Variants in HUNK observed in about 807,000 individuals in gnomAD.
HUNK encodes the protein hormonally up-regulated neu tumor-associated kinase.
In HUNK, 21 loss-of-function variants were observed where a neutral mutation model predicts 61.0. The observed-to-expected ratio is 0.34, with a 90% CI of 0.24 to 0.50. The LOEUF is 0.50. HUNK is among the 20% of genes least tolerant of loss of function. HUNK has a pLI of 0.98. For synonymous variants in HUNK, 371 were observed against 386.1 expected (o/e 0.96, Z 0.46); for missense variants, 772 against 945.7 (o/e 0.82, Z 2.41).
chr21:31,998,372 A>T (rs1372624374), intron 10 of HUNK, among the ~76,000 whole-genome samples, 154 bp from the exon 11 acceptor site: 2 of 152,100 alleles, frequency 1.3e-5, no homozygotes, highest in Non-Finnish European at 2.9e-5. Flanking sequence ...GCTGCTGGTG[A>T]CTTTTGCAAA....
At position 31,924,791 on chromosome 21, in the gene HUNK, A is replaced by G; in HGVS notation, c.554+31A>G. On this transcript the variant is annotated intron_variant, in intron 2 of 10. Coordinates refer to ENST00000270112, the MANE Select transcript of HUNK (RefSeq NM_014586.2). The surrounding 1 kb of genome is among the most constrained non-coding windows in gnomAD (Gnocchi z 5.1). ...GGCCAGGCCACGCTGGTGATCGCTGACTGTGTGCTCCGTGGGTGGCACTGG... is the reference window on the plus strand; with the variant it reads ...GGCCAGGCCACGCTGGTGATCGCTGGCTGTGTGCTCCGTGGGTGGCACTGG... 6.4e-7 allele frequency: 1 copy of G among 1,558,778 alleles called. No individual in the cohort carries two copies. Among genetic ancestry groups the G allele is most frequent in the Non-Finnish European group, 8.7e-7 (1 of 1,153,220 alleles).
chr21:31,966,507 C>G (rs1229353514), intron 5 of HUNK, among the ~76,000 whole-genome samples: 1 of 152,116 alleles, frequency 6.6e-6, no homozygotes, highest in African/African-American at 2.4e-5. Flanking sequence ...GTATGGGAAC[C>G]CACCCTGGTG....
intron 6 of HUNK, among the ~76,000 whole-genome samples, chr21:31,972,218 G>C (rs549205806): frequency 6.6e-6 from 1 of 152,040 alleles, no homozygotes; most frequent in Non-Finnish European, 1.5e-5. Context: ...GGAGGAGGTC[G>C]CAGGCAATAC....
At position 31,968,314 on chromosome 21, in the gene HUNK, G is replaced by C; in HGVS notation, c.939G>C (p.Gln313His). The C allele has an allele frequency of 6.2e-7, 1 of 1,614,210 alleles. No individual in the cohort carries two copies. Among genetic ancestry groups the C allele is most frequent in the Non-Finnish European group, 8.5e-7 (1 of 1,180,038 alleles). Residue 313 changes from glutamine to histidine, a missense_variant, in exon 6 of 11, where the codon CAG becomes CAC. By Grantham distance (24) the Gln-to-His change is conservative. Coordinates refer to ENST00000270112, the MANE Select transcript of HUNK (RefSeq NM_014586.2). ...CTGTGAAGAGGCCAAATATTCAGCAGGCACTGGCGAATCGCTGGCTTAATG... is the reference window on the plus strand; with the variant it reads ...CTGTGAAGAGGCCAAATATTCAGCACGCACTGGCGAATCGCTGGCTTAATG... ...PDPVKRPNIQ[Q>H]ALANRWLNEN...
intron 4 of HUNK, among the ~76,000 whole-genome samples, chr21:31,952,174 C>T (rs937331323): frequency 6.6e-6 from 1 of 151,422 alleles, no homozygotes; most frequent in Non-Finnish European, 1.5e-5. Flanking sequence ...TGAGATTTTC[C>T]AAATGGATGA....
intron 1 of HUNK, among the ~76,000 whole-genome samples, chr21:31,904,708 G>A (rs2052492950): frequency 6.6e-6 from 1 of 152,064 alleles, no homozygotes; most frequent in Non-Finnish European, 1.5e-5. Flanking sequence ...CTGGTGTTAT[G>A]GGCTGAATTG....
chr21:31,980,796 C>T (rs192339092), intron 7 of HUNK, among the ~76,000 whole-genome samples: 12 of 152,216 alleles, frequency 7.9e-5, no homozygotes, highest in African/African-American at 2.4e-4. Flanking sequence ...CCTCCGTCTC[C>T]CAGGTTCAAG....
In HUNK at chr21:31,908,321, C is replaced by T. The variant is rs1393287061; in HGVS notation, c.262-16147C>T. 3.9e-5 allele frequency among the ~76,000 whole-genome samples: 6 copies of T among 151,980 alleles called. No homozygotes were observed. The South Asian group carries it at 8.3e-4, about 21-fold the overall frequency. On this transcript the variant is annotated intron_variant, in intron 1 of 10. Coordinates refer to ENST00000270112, the MANE Select transcript of HUNK (RefSeq NM_014586.2). The stretch of plus-strand genomic sequence containing the variant: ...ATCTGGACTTTATTTAGACGATGAC[C>T]GTAACTGTCTTTAGAAAGAAGACTG...
intron 6 of HUNK, among the ~76,000 whole-genome samples, chr21:31,971,953 A>G (rs1486442150): frequency 2.0e-5 from 3 of 151,456 alleles, no homozygotes; most frequent in African/African-American, 4.9e-5. Flanking sequence ...CTCAGCTTCT[A>G]TAGTAGAGGG....
At chr21:31,927,460 A>T (rs1003825699) in intron 2 of HUNK, among the ~76,000 whole-genome samples, 2 of 151,982 alleles carry the variant, frequency 1.3e-5, no homozygotes, top group African/African-American at 4.8e-5. Context: ...TGGCTAACAC[A>T]GTGAAACCCC....
chr21:31,900,962 C>A (rs577427043), intron 1 of HUNK, among the ~76,000 whole-genome samples: 24 of 152,262 alleles, frequency 1.6e-4, no homozygotes, highest in Admixed American at 1.1e-3. Context: ...GGGGAAGGGT[C>A]TCTTCCAGGC....
At position 31,892,156 on chromosome 21, in the gene HUNK, A is replaced by AT. The variant is rs1368618778; in HGVS notation, c.261+18221_261+18222insT. ...TTCAATGAGAATTTGGTTAAAAAAA[A>AT]AAAAAAATATATATATATATATATA... On this transcript the variant is annotated intron_variant, in intron 1 of 10. Coordinates refer to ENST00000270112, the MANE Select transcript of HUNK (RefSeq NM_014586.2). Among the ~76,000 whole-genome samples, 112 of 111,918 alleles carry AT rather than the reference A, an allele frequency of 1.0e-3. 1 individual carries two copies. Among genetic ancestry groups the AT allele is most frequent in the South Asian group, 7.0e-3 (25 of 3,552 alleles). The allele number at this position is 111,918 out of a possible 152,430, so 73.4% of individuals were successfully genotyped here.
In HUNK at chr21:31,974,390, T is replaced by C. The variant is rs114539428; in HGVS notation, c.1011-165T>C. The C allele has an allele frequency of 6.3e-3, 3,650 of 580,348 alleles. 103 individuals are homozygous for C. The highest frequency in any genetic ancestry group is 0.061 in the African/African-American group (3,232 of 53,108). The allele number at this position is 580,348 out of a possible 1,614,324, so 35.9% of individuals were successfully genotyped here. ...TAGATGATGGTATACATAAAGTGAT[T>C]GTACTATTCCCTCCGCTTTTCTGAA... On this transcript the variant is annotated intron_variant, in intron 6 of 10. Transcript: ENST00000270112.
At chr21:31,922,025 T>A (rs564114787) in intron 1 of HUNK, among the ~76,000 whole-genome samples, 31 of 151,042 alleles carry the variant, frequency 2.1e-4, no homozygotes, top group African/African-American at 7.5e-4. Flanking sequence ...ATTTTCTTTC[T>A]TTTTTTTTGA....
At chr21:31,918,882 C>T (rs954094940) in intron 1 of HUNK, among the ~76,000 whole-genome samples, 4 of 152,208 alleles carry the variant, frequency 2.6e-5, no homozygotes, top group African/African-American at 9.7e-5. Context: ...TTTCGACTTA[C>T]CACACTGGGC....
intron 3 of HUNK, among the ~76,000 whole-genome samples, chr21:31,942,949 G>A (rs947915309): frequency 6.6e-6 from 1 of 152,182 alleles, no homozygotes; most frequent in African/African-American, 2.4e-5. Context: ...CGGAAGGCAT[G>A]GAGGGAGAGA....
At chr21:31,980,429 T>G (rs1601408633) in intron 7 of HUNK, among the ~76,000 whole-genome samples, 1 of 145,138 alleles carries the variant, frequency 6.9e-6, no homozygotes, top group Non-Finnish European at 1.5e-5. Context: ...CAGGCTGGAG[T>G]GCAGTGGCGC....
chr21:32,000,129 G>T lies in HUNK; in HGVS notation c.*945G>T. On this transcript the variant is annotated 3_prime_UTR_variant, in exon 11 of 11. Coordinates refer to ENST00000270112, the MANE Select transcript of HUNK (RefSeq NM_014586.2). ...GAAGGCATAGAACACGGTTACAGCTGGTTCTGTAGAAAGAGGGAAAAGATG... is the reference window on the plus strand; with the variant it reads ...GAAGGCATAGAACACGGTTACAGCTTGTTCTGTAGAAAGAGGGAAAAGATG... 2.5e-6 allele frequency: 1 copy of T among 398,644 alleles called. No homozygotes were observed. The highest frequency in any genetic ancestry group is 1.3e-4 in the South Asian group (1 of 7,758). 24.7% of individuals were successfully genotyped at this position (398,644 alleles called of 1,614,324 possible).
At chr21:31,925,097 C>A (rs951968823) in intron 2 of HUNK, among the ~76,000 whole-genome samples, 1 of 152,016 alleles carries the variant, frequency 6.6e-6, no homozygotes, top group Non-Finnish European at 1.5e-5. Flanking sequence ...CGGGGTTTCA[C>A]CATGTTGGCC....
Sources: gnomAD v4.1 joint callset for allele counts (sites outside exome capture counted in the v4.1 genomes callset) on GRCh38, gnomAD v4.1.1 for gene constraint, Gnocchi (gnomAD v3.1) non-coding constraint, MANE v1.5 for transcripts, NCBI Gene and HGNC (gene_info 2026-07-23, HGNC 2026-07-21) for gene names.